Variants in FAT3 observed in about 807,000 individuals in gnomAD.
FAT3 encodes the protein FAT atypical cadherin 3.
A neutral mutation model predicts 310.2 loss-of-function variants in FAT3; 95 were observed. The observed-to-expected ratio is 0.31, with a 90% CI of 0.26 to 0.36. The LOEUF is 0.36. Among genes scored for constraint, FAT3 ranks in the 10% least tolerant of loss-of-function variants. FAT3 has a pLI of 1.00. For missense variants in FAT3, 5,408 were observed against 5,715.6 expected, an observed-to-expected ratio of 0.95 and a Z score of 1.74; for synonymous variants, 2,314 against 2,192.9, an observed-to-expected ratio of 1.06 and a Z score of -1.54.
chr11:92,554,833 G>A (rs1456855474), intron 3 of FAT3, among the ~76,000 whole-genome samples: 3 of 152,156 alleles, frequency 2.0e-5, no homozygotes, highest in Non-Finnish European at 1.5e-5. Flanking sequence ...GCACTGCTGC[G>A]CTTGTCACTA....
intron 3 of FAT3, among the ~76,000 whole-genome samples, chr11:92,616,198 T>G (rs1940795578): frequency 6.6e-6 from 1 of 152,224 alleles, no homozygotes; most frequent in Admixed American, 6.5e-5. Flanking sequence ...TAGTTAGCTC[T>G]TCTTGTTGAA....
intron 3 of FAT3, among the ~76,000 whole-genome samples, chr11:92,584,203 A>G (rs757455215): frequency 6.6e-6 from 1 of 152,014 alleles, no homozygotes; most frequent in Non-Finnish European, 1.5e-5. Context: ...GTTTGAGATC[A>G]GGTGCGCCGT....
At chr11:92,309,425 T>A (rs1947235730) in intron 1 of FAT3, among the ~76,000 whole-genome samples, 3 of 149,654 alleles carry the variant, frequency 2.0e-5, no homozygotes, top group African/African-American at 7.4e-5. Context: ...CACACTTTTC[T>A]CCTAAGAGGC....
chr11:92,865,918 G>A (rs1031032341), intron 21 of FAT3, among the ~76,000 whole-genome samples: 8 of 152,144 alleles, frequency 5.3e-5, no homozygotes, highest in African/African-American at 1.2e-4. Context: ...GCTGGTCTCT[G>A]TTGTCGCACC....
chr11:92,621,095 G>A (rs975941950), intron 3 of FAT3, among the ~76,000 whole-genome samples: 8 of 152,100 alleles, frequency 5.3e-5, no homozygotes, highest in East Asian at 1.9e-4. Flanking sequence ...GGTTGGGAGG[G>A]ACACAAACAT....
chr11:92,852,966 G>T lies in FAT3; in HGVS notation c.11366-4248G>T, dbSNP rs1240325381. 2.0e-5 allele frequency among the ~76,000 whole-genome samples: 3 copies of T among 152,298 alleles called. No homozygotes were observed. In the South Asian group the frequency reaches 6.2e-4, roughly 32 times the overall value. ...ACCCTGTTGTCACAGGATCCTTGGG[G>T]TGTTGCTTCTCCAGCTGAAAACCTC... is the stretch of plus-strand genomic sequence containing the variant. On this transcript the variant is annotated intron_variant, in intron 19 of 27. Coordinates refer to ENST00000525166, the MANE Select transcript of FAT3 (RefSeq NM_001367949.2).
At chr11:92,773,156 C>A (rs1468011343) in intron 6 of FAT3, among the ~76,000 whole-genome samples, 5 of 152,076 alleles carry the variant, frequency 3.3e-5, no homozygotes, top group Non-Finnish European at 5.9e-5. Context: ...TCAAAAAAAT[C>A]TTTCATTTTG....
intron 1 of FAT3, among the ~76,000 whole-genome samples, chr11:92,244,507 A>G (rs1001805274): frequency 6.6e-6 from 1 of 152,132 alleles, no homozygotes; most frequent in African/African-American, 2.4e-5. Context: ...AATATCTGGT[A>G]GTTGGAAATA....
At chr11:92,493,021 C>T (rs935261375) in intron 2 of FAT3, among the ~76,000 whole-genome samples, 5 of 152,016 alleles carry the variant, frequency 3.3e-5, no homozygotes, top group African/African-American at 9.7e-5. Context: ...ATTCTTCTCT[C>T]CCTCAAACTT....
rs967685425 is a variant in FAT3, at chr11:92,674,532, AT to A, written c.3608-22844del. Among the ~76,000 whole-genome samples, 20 of 151,592 alleles carry A rather than the reference AT, an allele frequency of 1.3e-4. No individual in the cohort carries two copies. The East Asian group carries it at 3.5e-3, about 27-fold the overall frequency. ...CCTTATTTTAATATTAATTTAATTA[AT>A]TTTTTTTAATGCAGAGTCTCACTCT... On this transcript the variant is annotated intron_variant, in intron 3 of 27. Transcript: ENST00000525166.
chr11:92,676,089 G>A (rs948900312), intron 3 of FAT3, among the ~76,000 whole-genome samples: 8 of 152,102 alleles, frequency 5.3e-5, no homozygotes, highest in African/African-American at 9.7e-5. Flanking sequence ...AAGAAAGTAC[G>A]GATGCTTTTA....
chr11:92,663,702 C>G (rs563719171), intron 3 of FAT3, among the ~76,000 whole-genome samples: 1 of 152,266 alleles, frequency 6.6e-6, no homozygotes, highest in South Asian at 2.1e-4. Flanking sequence ...GTCGTCATAT[C>G]TGATAGATCC....
chr11:92,253,012 T>C (rs976913939), intron 1 of FAT3, among the ~76,000 whole-genome samples: 1 of 152,136 alleles, frequency 6.6e-6, no homozygotes, highest in Non-Finnish European at 1.5e-5. Context: ...ACTATCACAC[T>C]GAGACCACTA....
chr11:92,366,963 T>A, intron 2 of FAT3: 4 of 527,258 alleles, frequency 7.6e-6, no homozygotes, highest in South Asian at 5.5e-5. Flanking sequence ...TTATTGACTC[T>A]GGTCAGACAC....
intron 3 of FAT3, among the ~76,000 whole-genome samples, chr11:92,592,219 T>C (rs78777244): frequency 4.5e-4 from 68 of 152,126 alleles, no homozygotes; most frequent in African/African-American, 1.6e-3. Flanking sequence ...ACAGTCTCAT[T>C]AGGTTTGCAA....
intron 3 of FAT3, among the ~76,000 whole-genome samples, chr11:92,684,660 T>A (rs551480912): frequency 9.2e-5 from 14 of 152,276 alleles, no homozygotes; most frequent in Admixed American, 4.6e-4. Context: ...TGTAGTTATA[T>A]TTATCCTGTG....
intron 23 of FAT3, among the ~76,000 whole-genome samples, chr11:92,881,428 A>C (rs1565675029): frequency 6.6e-6 from 1 of 152,250 alleles, no homozygotes; most frequent in Non-Finnish European, 1.5e-5. Context: ...TATGTATGTA[A>C]TCTCAAGCAA....
chr11:92,505,786 G>A (rs573929494), intron 2 of FAT3, among the ~76,000 whole-genome samples: 1 of 152,220 alleles, frequency 6.6e-6, no homozygotes, highest in South Asian at 2.1e-4. Flanking sequence ...ACAGTCAGGA[G>A]TCAAAGCCCC....
chr11:92,784,106 C>A lies in FAT3; in HGVS notation c.4336-5837C>A, dbSNP rs142495245. ...TGAATACAGAATTAGCTCTGTAATA[C>A]CTGGGGTTGAGTCTGGCCTTGACAT... On this transcript the variant is annotated intron_variant, in intron 7 of 27. Transcript: ENST00000525166. Among the ~76,000 whole-genome samples the A allele has an allele frequency of 2.6e-5, 4 of 152,226 alleles. No homozygotes were observed. The East Asian group carries it at 7.7e-4, about 29-fold the overall frequency.
Sources: allele counts gnomAD v4.1 joint callset (sites outside exome capture counted in the v4.1 genomes callset), GRCh38; gene constraint gnomAD v4.1.1; transcripts MANE v1.5; gene names NCBI Gene and HGNC (gene_info 2026-07-23, HGNC 2026-07-21).